The following KCTD1 variants were observed in gnomAD, a reference collection of about 807,000 sequenced individuals.
KCTD1 encodes potassium channel tetramerization domain containing 1.
A neutral mutation model predicts 66.0 loss-of-function variants in KCTD1; 24 were observed. The observed-to-expected ratio is 0.36, with a 90% CI of 0.26 to 0.51. KCTD1 has a LOEUF of 0.51. Among genes scored for constraint, KCTD1 ranks in the 20% least tolerant of loss-of-function variants. KCTD1 has a pLI of 0.95. For synonymous variants in KCTD1, 511 were observed against 517.2 expected (o/e 0.99, Z 0.16); for missense variants, 943 against 1,205.2 (o/e 0.78, Z 3.22).
At chr18:26,621,024 G>A (rs1440828269) in intron 1 of KCTD1, among the ~76,000 whole-genome samples, 2 of 151,754 alleles carry the variant, frequency 1.3e-5, no homozygotes, top group Admixed American at 6.6e-5. Flanking sequence ...TAATAGAGAC[G>A]GGGTTTCACC....
At chr18:26,567,138 C>G (rs2144889916) in intron 1 of KCTD1, 1 of 152,348 alleles carries the variant, frequency 6.6e-6, no homozygotes, top group African/African-American at 2.4e-5. Flanking sequence ...TCCCTTGACA[C>G]TAGTTGCCTA....
At chr18:26,465,905 G>A (rs1240544958) in intron 3 of KCTD1, among the ~76,000 whole-genome samples, 2 of 152,228 alleles carry the variant, frequency 1.3e-5, no homozygotes, top group African/African-American at 4.8e-5. Context: ...GGCAGTACCA[G>A]ACAGCGCTAG....
intron 1 of KCTD1, chr18:26,640,188 C>T (rs1987807021): frequency 6.6e-6 from 1 of 152,342 alleles, no homozygotes. Context: ...CTGTAATTCG[C>T]ACTTAGGGAG....
intron 1 of KCTD1, among the ~76,000 whole-genome samples, chr18:26,597,294 T>G (rs575283977): frequency 4.0e-4 from 61 of 150,796 alleles, no homozygotes; most frequent in Non-Finnish European, 7.2e-4. Flanking sequence ...CTGAGCAAGG[T>G]GATGATGATG....
chr18:26,607,807 A>T (rs775082720), intron 1 of KCTD1, among the ~76,000 whole-genome samples: 2 of 152,176 alleles, frequency 1.3e-5, no homozygotes, highest in South Asian at 2.1e-4. Flanking sequence ...TTACTCTGTC[A>T]TCCAGGCTGG....
intron 1 of KCTD1, among the ~76,000 whole-genome samples, chr18:26,587,432 T>C (rs1986495291): frequency 6.6e-6 from 1 of 152,234 alleles, no homozygotes; most frequent in Admixed American, 6.5e-5. Context: ...GAGATTAATG[T>C]TGTTTTCATG....
chr18:26,637,081 C>A (rs1400094315), intron 1 of KCTD1, among the ~76,000 whole-genome samples: 1 of 152,202 alleles, frequency 6.6e-6, no homozygotes, highest in Non-Finnish European at 1.5e-5. Flanking sequence ...TCAGACCCCT[C>A]GTGTTTGTGC....
chr18:26,621,431 A>T (rs1428084713), intron 1 of KCTD1, among the ~76,000 whole-genome samples: 1 of 152,090 alleles, frequency 6.6e-6, no homozygotes, highest in African/African-American at 2.4e-5. Flanking sequence ...ATGAATGATT[A>T]AAAATTGAGG....
chr18:26,572,045 G>T (rs1474230814), intron 1 of KCTD1, among the ~76,000 whole-genome samples: 2 of 150,508 alleles, frequency 1.3e-5, no homozygotes, highest in Non-Finnish European at 3.0e-5. Context: ...TGTTTTGTTT[G>T]TTGTTGATGT....
At chr18:26,487,014 C>T (rs1346234756) in intron 2 of KCTD1, among the ~76,000 whole-genome samples, 1 of 152,134 alleles carries the variant, frequency 6.6e-6, no homozygotes, top group Admixed American at 6.5e-5. Context: ...TTTTGGACAC[C>T]TAACAGAAGA....
chr18:26,536,079 A>T (rs1489708521), intron 1 of KCTD1, among the ~76,000 whole-genome samples: 2 of 152,060 alleles, frequency 1.3e-5, no homozygotes, highest in African/African-American at 4.8e-5. Flanking sequence ...GAAATCACAT[A>T]CAGGAAAGCC....
chr18:26,570,644 C>T (rs1380251848), intron 1 of KCTD1, among the ~76,000 whole-genome samples: 1 of 152,182 alleles, frequency 6.6e-6, no homozygotes, highest in East Asian at 1.9e-4. Flanking sequence ...CTCTCAGGCT[C>T]AAGATATCCT....
At chr18:26,617,141 A>G (rs773014614) in intron 1 of KCTD1, among the ~76,000 whole-genome samples, 2 of 152,230 alleles carry the variant, frequency 1.3e-5, no homozygotes, top group South Asian at 2.1e-4. Flanking sequence ...CTTAACACCT[A>G]TGAACCTGTG....
At chr18:26,651,873 G>A (rs1175069137) in intron 1 of KCTD1, among the ~76,000 whole-genome samples, 1 of 151,976 alleles carries the variant, frequency 6.6e-6, no homozygotes, top group East Asian at 1.9e-4. Context: ...GAACAAGAGA[G>A]AAGTGTCAAG....
intron 1 of KCTD1, among the ~76,000 whole-genome samples, chr18:26,521,293 T>C (rs1265405600): frequency 6.6e-6 from 1 of 152,210 alleles, no homozygotes; most frequent in Non-Finnish European, 1.5e-5. Context: ...CACTATCTCA[T>C]TTAATCTTTA....
chr18:26,485,581 T>G (rs1981873536), intron 2 of KCTD1, among the ~76,000 whole-genome samples: 1 of 152,248 alleles, frequency 6.6e-6, no homozygotes, highest in African/African-American at 2.4e-5. Context: ...TGGCTATTTG[T>G]CTAAAATCAG....
chr18:26,614,458 G>A (rs1987206092), intron 1 of KCTD1, among the ~76,000 whole-genome samples: 1 of 152,210 alleles, frequency 6.6e-6, no homozygotes, highest in Non-Finnish European at 1.5e-5. Context: ...GGAGAGGCAG[G>A]GGAGTTTTTG....
chr18:26,642,876 C>A (rs904170664), upstream of KCTD1, among the ~76,000 whole-genome samples: 1 of 23,324 alleles, frequency 4.3e-5, no homozygotes, highest in South Asian at 1.2e-3. Context: ...GTACAACCTG[C>A]GGGGAGGGTG....
chr18:26,596,698 T>C (rs1343779525), intron 1 of KCTD1, among the ~76,000 whole-genome samples: 1 of 152,192 alleles, frequency 6.6e-6, no homozygotes, highest in East Asian at 1.9e-4. Flanking sequence ...GGAGGTAATA[T>C]TCAATTTACA....
Sources: allele counts gnomAD v4.1 joint callset (sites outside exome capture counted in the v4.1 genomes callset), GRCh38; gene constraint gnomAD v4.1.1; transcripts MANE v1.5; gene names NCBI Gene and HGNC (gene_info 2026-07-23, HGNC 2026-07-21).